Variants in ESR2 observed in about 807,000 individuals in gnomAD.
ESR2 encodes estrogen receptor 2, also known as estrogen receptor beta.
ESR2 carries 36 observed loss-of-function variants against 49.6 expected under a neutral mutation model. The observed-to-expected ratio is 0.73, with a 90% CI of 0.56 to 0.96. The LOEUF (loss-of-function observed/expected upper bound fraction) is 0.96. ESR2 is among the 40% of genes least tolerant of loss of function. The probability of loss-of-function intolerance (pLI) is 0.00; values close to 1 mark genes in which losing one functional copy is unlikely to be tolerated. For synonymous variants in ESR2, 320 were observed against 266.1 expected, an observed-to-expected ratio of 1.20 and a Z score of -1.97; for missense variants, 714 against 693.0, an observed-to-expected ratio of 1.03 and a Z score of -0.34.
intron 1 of ESR2, among the ~76,000 whole-genome samples, chr14:64,323,466 A>G (rs1481229915): frequency 6.6e-6 from 1 of 152,104 alleles, no homozygotes; most frequent in Non-Finnish European, 1.5e-5. Flanking sequence ...TCGGCCTCAC[A>G]GAGTGTTGAG....
chr14:64,260,809 GC>G (rs2076205567), intron 4 of ESR2, 61 bp from the exon 5 acceptor site: 1 of 1,394,770 alleles, frequency 7.2e-7, no homozygotes, highest in African/African-American at 1.5e-5. Flanking sequence ...AGCAAAAGCA[GC>G]TTGACTTTTA....
rs59204191 is a variant in ESR2, at chr14:64,256,002, G to C, written c.1091+1224C>G. 5.5e-3 allele frequency among the ~76,000 whole-genome samples: 831 copies of C among 152,326 alleles called. 5 individuals are homozygous for C. Among genetic ancestry groups the C allele is most frequent in the African/African-American group, 0.019 (790 of 41,576 alleles). On this transcript the variant is annotated intron_variant, in intron 6 of 8. Transcript: ENST00000341099. ...TACCTTGGGGCATCACTCTTCATCTGTGTAACACAGGGTCTTCTGATGATC... is the reference window on the plus strand; with the variant it reads ...TACCTTGGGGCATCACTCTTCATCTCTGTAACACAGGGTCTTCTGATGATC...
At chr14:64,227,945 T>C, downstream of ESR2, 1 of 1,594,250 alleles carries the variant, frequency 6.3e-7, no homozygotes, top group Non-Finnish European at 8.5e-7. Context: ...AAGGATATAA[T>C]TCTAATCAAA....
Position 64,294,316 on chromosome 14 carries a change from C to T in ESR2, c.-374G>A, listed in dbSNP as rs2076923693. 6.6e-6 allele frequency: 1 copy of T among 152,468 alleles called. No individual in the cohort carries two copies. Among genetic ancestry groups the T allele is most frequent in the Non-Finnish European group, 1.5e-5 (1 of 68,126 alleles). The allele number at this position is 152,468 out of a possible 1,614,324, so 9.4% of individuals were successfully genotyped here. On this transcript the variant is annotated 5_prime_UTR_variant, in exon 1 of 9. Transcript: ENST00000341099. ...CTCCGCGCTTGCAACTGCCTCCTGGCGGGGGAGTGGGTGTCCAAAAAGCCA... is the reference window on the plus strand; with the variant it reads ...CTCCGCGCTTGCAACTGCCTCCTGGTGGGGGAGTGGGTGTCCAAAAAGCCA...
chr14:64,243,469 G>T (rs540098855), intron 7 of ESR2, among the ~76,000 whole-genome samples: 1 of 152,178 alleles, frequency 6.6e-6, no homozygotes, highest in Non-Finnish European at 1.5e-5. Flanking sequence ...ACAAACCTTC[G>T]ATTTGTAAAA....
At chr14:64,296,853 C>T (rs1298447221), upstream of ESR2, among the ~76,000 whole-genome samples, 7 of 152,180 alleles carry the variant, frequency 4.6e-5, no homozygotes, top group Non-Finnish European at 5.9e-5. Context: ...AGTAAGTTTC[C>T]TTCTGACTCA....
At chr14:64,319,335 C>T (rs1044853845) in intron 1 of ESR2, among the ~76,000 whole-genome samples, 12 of 151,416 alleles carry the variant, frequency 7.9e-5, no homozygotes, top group African/African-American at 2.7e-4. Context: ...TAGAAGACAA[C>T]GTAGGAGAAA....
chr14:64,254,890 A>G (rs2076067510), intron 6 of ESR2, among the ~76,000 whole-genome samples: 1 of 151,898 alleles, frequency 6.6e-6, no homozygotes, highest in Non-Finnish European at 1.5e-5. Flanking sequence ...TTCCTCTTCT[A>G]TACTCAATCA....
At chr14:64,303,406 G>A (rs2077051164) in intron 1 of ESR2, 1 of 144,610 alleles carries the variant, frequency 6.9e-6, no homozygotes. Context: ...TTAAAGAGCT[G>A]GTTTACTAGC....
intron 1 of ESR2, among the ~76,000 whole-genome samples, chr14:64,310,449 C>A (rs939125558): frequency 2.4e-4 from 36 of 151,018 alleles, no homozygotes; most frequent in African/African-American, 8.0e-4. Context: ...GTGCAGTTTG[C>A]CTTTTTCAAA....
At chr14:64,297,098 C>T (rs760065453), upstream of ESR2, among the ~76,000 whole-genome samples, 1 of 152,134 alleles carries the variant, frequency 6.6e-6, no homozygotes, top group Non-Finnish European at 1.5e-5. Flanking sequence ...CCACCTCACC[C>T]CTGACCTGCC....
intron 4 of ESR2, among the ~76,000 whole-genome samples, chr14:64,263,651 A>AAAAT (rs557236670): frequency 9.9e-4 from 150 of 152,258 alleles, no homozygotes; most frequent in East Asian, 2.7e-3. Flanking sequence ...TTGGGTTGAA[A>AAAAT]AAATAAATAA....
At chr14:64,236,760 C>T (rs1490092154) in intron 7 of ESR2, among the ~76,000 whole-genome samples, 1 of 152,066 alleles carries the variant, frequency 6.6e-6, no homozygotes, top group Admixed American at 6.6e-5. Context: ...CTTCTGGAAG[C>T]TTCCCCCAAC....
At chr14:64,280,524 A>T (rs1448234864) in intron 2 of ESR2, among the ~76,000 whole-genome samples, 1 of 152,180 alleles carries the variant, frequency 6.6e-6, no homozygotes, top group Non-Finnish European at 1.5e-5. Context: ...CACAGGCAGG[A>T]TATGCATTGG....
intron 1 of ESR2, among the ~76,000 whole-genome samples, chr14:64,309,213 T>C (rs1567794916): frequency 6.6e-6 from 1 of 152,114 alleles, no homozygotes; most frequent in Non-Finnish European, 1.5e-5. Context: ...CCCCTGTAAC[T>C]CATACTCATT....
At chr14:64,306,497 G>A (rs1363263528) in intron 1 of ESR2, among the ~76,000 whole-genome samples, 1 of 152,200 alleles carries the variant, frequency 6.6e-6, no homozygotes, top group African/African-American at 2.4e-5. Context: ...GTTTTTATTA[G>A]GAACGGATGT....
At chr14:64,247,348 C>CAAAA (rs1225082613) in intron 7 of ESR2, among the ~76,000 whole-genome samples, 3 of 144,990 alleles carry the variant, frequency 2.1e-5, no homozygotes, top group South Asian at 4.3e-4. Flanking sequence ...AACAAACAAA[C>CAAAA]AAAAAAACTA....
chr14:64,278,559 A>G (rs896351361), intron 3 of ESR2, among the ~76,000 whole-genome samples: 2 of 152,236 alleles, frequency 1.3e-5, no homozygotes, highest in African/African-American at 4.8e-5. Flanking sequence ...AGAACAAAGC[A>G]TTGGGGCTTT....
At chr14:64,234,249 T>G (rs2098730198) in intron 8 of ESR2, 1 of 152,394 alleles carries the variant, frequency 6.6e-6, no homozygotes. Context: ...ATTGTCCTTC[T>G]CCACAGCCTC....
Sources: gnomAD v4.1 joint callset for allele counts (sites outside exome capture counted in the v4.1 genomes callset) on GRCh38, gnomAD v4.1.1 for gene constraint, MANE v1.5 for transcripts, NCBI Gene and HGNC (gene_info 2026-07-23, HGNC 2026-07-21) for gene names.